Variants in PHKA1 observed in about 807,000 individuals in gnomAD.
PHKA1 encodes the protein phosphorylase b kinase regulatory subunit alpha, skeletal muscle isoform.
Under a neutral mutation model 110.2 loss-of-function variants are expected in PHKA1, and 60 were observed. That is an observed-to-expected ratio of 0.54 (90% CI 0.44 to 0.68). The LOEUF (loss-of-function observed/expected upper bound fraction) is 0.68, where lower values mean the gene tolerates loss of function less well. PHKA1 is among the 30% of genes least tolerant of loss of function. The pLI is 0.00. For synonymous variants in PHKA1, 316 were observed against 333.6 expected, an observed-to-expected ratio of 0.95 and a Z score of 0.58; for missense variants, 801 against 942.5, an observed-to-expected ratio of 0.85 and a Z score of 1.97.
At chrX:72,692,008 C>T (rs192005844) in intron 4 of PHKA1, among the ~76,000 whole-genome samples, 2 of 111,818 alleles carry the variant, frequency 1.8e-5, no homozygotes, top group Admixed American at 1.9e-4. Flanking sequence ...TCAAAGATGC[C>T]ATTTATCAGG....
Position 72,609,626 on chromosome X carries a change from A to G in PHKA1, c.2604T>C (p.Ser868=). The G allele has an allele frequency of 8.4e-7, 1 of 1,194,842 alleles. No individual in the cohort carries two copies. Among genetic ancestry groups the G allele is most frequent in the Non-Finnish European group, 1.1e-6 (1 of 880,050 alleles). Residue 868 remains serine, a splice_region_variant and synonymous_variant, in exon 23 of 32, where the codon TCT becomes TCC. Coordinates refer to ENST00000373542, the MANE Select transcript of PHKA1 (RefSeq NM_002637.4). ...LPPEPREKTI[S]APLPYEALTQ... ...TGACCAAACCCAGCCATACTCACGCAGAGATAGTCTTTTCTCGAGGTTCTG... is the reference window on the plus strand; with the variant it reads ...TGACCAAACCCAGCCATACTCACGCGGAGATAGTCTTTTCTCGAGGTTCTG...
At chrX:72,690,990 A>G (rs2054031192) in intron 4 of PHKA1, among the ~76,000 whole-genome samples, 3 of 111,545 alleles carry the variant, frequency 2.7e-5, no homozygotes, top group Admixed American at 1.9e-4. Flanking sequence ...CTGGTCTCAA[A>G]CTCCTGACTT....
Position 72,636,356 on chromosome X carries a change from C to T in PHKA1, c.1490G>A (p.Arg497Gln). Residue 497 changes from arginine (R) to glutamine (Q), a missense_variant, in exon 15 of 32, where the codon CGA becomes CAA. By Grantham distance (43) the Arg-to-Gln change is conservative. Around this residue, in one of 2 missense-constraint regions of PHKA1, gnomAD observed 299 missense variants for 423.3 expected, o/e 0.71. Coordinates refer to ENST00000373542, the MANE Select transcript of PHKA1 (RefSeq NM_002637.4). ...AAGCACTCCCATGTGTCTGTAGGGT[C>T]GTCCACTGAGTTTCATTCTATTGTT... Reference protein sequence around the residue: ...GCNNRMKLSGRPYRHMGVLGT... With the variant: ...GCNNRMKLSGQPYRHMGVLGT... 2.5e-6 allele frequency: 3 copies of T among 1,193,222 alleles called. No individual in the cohort carries two copies. Among genetic ancestry groups the T allele is most frequent in the East Asian group, 3.0e-5 (1 of 33,771 alleles).
chrX:72,644,167 G>A (rs112864923), intron 14 of PHKA1, among the ~76,000 whole-genome samples, 195 bp downstream of exon 14: 1 of 111,013 alleles, frequency 9.0e-6, no homozygotes, highest in Non-Finnish European at 1.9e-5. Flanking sequence ...GTACCCAAAG[G>A]GTTCATAAAA....
intron 5 of PHKA1, among the ~76,000 whole-genome samples, chrX:72,683,948 T>C (rs1177512741): frequency 1.8e-5 from 2 of 112,601 alleles, no homozygotes; most frequent in African/African-American, 6.4e-5. Flanking sequence ...AAGTTGTCTA[T>C]GTTAGACTGA....
intron 25 of PHKA1, 80 bp downstream of exon 25, chrX:72,605,191 T>C: frequency 1.1e-6 from 1 of 951,812 alleles, no homozygotes; most frequent in Non-Finnish European, 1.5e-6. Context: ...ATGTTTTAGC[T>C]TTCTTTCTTT....
Position 72,623,366 on chromosome X carries a change from T to C in PHKA1, c.1794-91A>G, listed in dbSNP as rs1360949984. The C allele has an allele frequency of 7.1e-6, 5 of 706,235 alleles. No individual in the cohort carries two copies. In the East Asian group the frequency reaches 1.7e-4, roughly 24 times the overall value. The allele number at this position is 706,235 out of a possible 1,213,427, so 58.2% of individuals were successfully genotyped here. ...AGTGATAAAAGGACACCTAACATGT[T>C]TTGTTGGGGGATTACTAATGTGCAT... is the stretch of plus-strand genomic sequence containing the variant. On this transcript the variant is annotated intron_variant, in intron 17 of 31. Transcript: ENST00000373542.
chrX:72,687,753 A>G (rs2053984425), intron 4 of PHKA1, among the ~76,000 whole-genome samples: 1 of 111,198 alleles, frequency 9.0e-6, no homozygotes, highest in Non-Finnish European at 1.9e-5. Context: ...TCCGTTGCAC[A>G]TCATATGTGT....
Position 72,676,167 on chromosome X carries a change from A to C in PHKA1, c.538-17T>G. On this transcript the variant is annotated splice_polypyrimidine_tract_variant and intron_variant, in intron 5 of 31. Coordinates refer to ENST00000373542, the MANE Select transcript of PHKA1 (RefSeq NM_002637.4). ...CCCGAAGTCCTGGCATAAAATAACC[A>C]ATATACAATTAGCAAGTCATAACTA... 8.7e-7 allele frequency: 1 copy of C among 1,153,032 alleles called. No homozygotes were observed. Among genetic ancestry groups the C allele is most frequent in the Non-Finnish European group, 1.2e-6 (1 of 842,603 alleles).
At chrX:72,593,340 ACT>A in intron 28 of PHKA1, 66 bp from the exon 29 acceptor site, 1 of 748,315 alleles carries the variant, frequency 1.3e-6, no homozygotes, top group Non-Finnish European at 1.9e-6. Flanking sequence ...AAGTCTTTGA[ACT>A]TTTTTTTTTT....
chrX:72,620,915 G>T lies in PHKA1; in HGVS notation c.1961-14C>A. The stretch of plus-strand genomic sequence containing the variant: ...CACCACAGCGAGCTGCAAGGTTAGT[G>T]GGGGGAGGGGGAAGAGAAAAGAATG... On this transcript the variant is annotated splice_polypyrimidine_tract_variant and intron_variant, in intron 18 of 31. Coordinates refer to ENST00000373542, the MANE Select transcript of PHKA1 (RefSeq NM_002637.4). 1 of 1,205,879 alleles carries T rather than the reference G, an allele frequency of 8.3e-7. No individual in the cohort carries two copies. The highest frequency in any genetic ancestry group is 1.1e-6 in the Non-Finnish European group (1 of 891,555).
rs1052641015 is a variant in PHKA1, at chrX:72,578,884, A to G, written c.*2118T>C. 7 of 111,994 alleles carry G rather than the reference A, an allele frequency of 6.3e-5. No homozygotes were observed. Among genetic ancestry groups the G allele is most frequent in the African/African-American group, 1.9e-4 (6 of 30,833 alleles). 9.2% of individuals were successfully genotyped at this position (111,994 alleles called of 1,213,427 possible). On this transcript the variant is annotated 3_prime_UTR_variant, in exon 32 of 32. Transcript: ENST00000373542. Reference sequence around the variant, plus strand: ...TTATTATTTATTCTATTTTCAAAACATAAGTGCTTTTTTAAAAAAAGTCTA... The same window carrying G: ...TTATTATTTATTCTATTTTCAAAACGTAAGTGCTTTTTTAAAAAAAGTCTA...
chrX:72,618,623 G>A (rs956667139), intron 21 of PHKA1, 87 bp downstream of exon 21: 19 of 815,775 alleles, frequency 2.3e-5, no homozygotes, highest in Non-Finnish European at 3.1e-5. Flanking sequence ...CCAGATCAGC[G>A]AAACTCCAAA....
intron 2 of PHKA1, chrX:72,709,580 A>T (rs2054336529): frequency 1.8e-5 from 2 of 110,502 alleles, no homozygotes; most frequent in Non-Finnish European, 3.8e-5. Flanking sequence ...CTATGAATTT[A>T]TTGGATTTAA....
intron 29 of PHKA1, among the ~76,000 whole-genome samples, chrX:72,590,131 A>G (rs2052496511): frequency 8.9e-6 from 1 of 111,881 alleles, no homozygotes; most frequent in African/African-American, 3.3e-5. Flanking sequence ...AATCCTAAGA[A>G]AAAGAAGAAA....
At chrX:72,690,181 T>A (rs1420716959) in intron 4 of PHKA1, among the ~76,000 whole-genome samples, 1 of 111,800 alleles carries the variant, frequency 8.9e-6, no homozygotes, top group Admixed American at 9.5e-5. Context: ...TGGGGTCCTT[T>A]GAAGCACAAA....
At chrX:72,604,898 T>C (rs2052706269) in intron 25 of PHKA1, among the ~76,000 whole-genome samples, 1 of 111,896 alleles carries the variant, frequency 8.9e-6, no homozygotes, top group Admixed American at 9.5e-5. Flanking sequence ...GACACCATGA[T>C]CCACTGATGT....
At chrX:72,589,855 T>C (rs953708052) in intron 29 of PHKA1, among the ~76,000 whole-genome samples, 11 of 109,415 alleles carry the variant, frequency 1.0e-4, no homozygotes, top group Non-Finnish European at 2.1e-4. Context: ...TACCTAAGAA[T>C]CCAACGTACA....
chrX:72,671,284 C>T (rs782613773), intron 6 of PHKA1, among the ~76,000 whole-genome samples: 1 of 111,486 alleles, frequency 9.0e-6, no homozygotes, highest in East Asian at 2.8e-4. Flanking sequence ...CATTCTTATA[C>T]ACCAATAACA....
Sources: gnomAD v4.1 joint callset for allele counts (sites outside exome capture counted in the v4.1 genomes callset) on GRCh38, gnomAD v4.1.1 for gene constraint, gnomAD v4.1.1 regional missense constraint, MANE v1.5 for transcripts, NCBI Gene and HGNC (gene_info 2026-07-23, HGNC 2026-07-21) for gene names.